The following SLC24A2 variants were observed in gnomAD, a reference collection of about 807,000 sequenced individuals.
SLC24A2 encodes the protein sodium/potassium/calcium exchanger 2.
SLC24A2 carries 36 observed loss-of-function variants against 62.0 expected under a neutral mutation model. The ratio of observed to expected loss-of-function variants is 0.58; its 90% CI spans 0.44 to 0.77. The LOEUF is 0.77. Ranked by LOEUF, SLC24A2 falls within the 30% of genes least tolerant of loss-of-function variation. The pLI, the probability that SLC24A2 is intolerant of heterozygous loss-of-function variation, is 0.00. For missense variants in SLC24A2, 846 were observed against 817.9 expected (o/e 1.03, Z -0.42); for synonymous variants, 358 against 294.0 (o/e 1.22, Z -2.23).
Position 19,745,738 on chromosome 9 carries a change from T to C in SLC24A2, c.930+40199A>G, listed in dbSNP as rs147683731. Among the ~76,000 whole-genome samples, 383 of 152,284 alleles carry C rather than the reference T, an allele frequency of 2.5e-3. 3 individuals carry two copies. The highest frequency in any genetic ancestry group is 4.1e-3 in the Admixed American group (63 of 15,272). ...ATATAACACTTTTTATTAAATGTTT[T>C]TTCATATTTTATTACCTAACTCCTA... On this transcript the variant is annotated intron_variant, in intron 2 of 10. Transcript: ENST00000341998.
At chr9:19,752,269 TAGGAA>T (rs1296548910) in intron 2 of SLC24A2, among the ~76,000 whole-genome samples, 6 of 151,958 alleles carry the variant, frequency 3.9e-5, no homozygotes, top group African/African-American at 1.5e-4. Context: ...TAACTCACCC[TAGGAA>T]AGGGTGAGTT....
chr9:19,965,031 G>A, the SLC24A2 span, among the ~76,000 whole-genome samples: 10 of 152,118 alleles, frequency 6.6e-5, no homozygotes, highest in East Asian at 3.9e-4. Context: ...TGGAGACTGC[G>A]TAACCAGCTC....
At chr9:20,011,205 G>A in the SLC24A2 span, among the ~76,000 whole-genome samples, 2 of 152,012 alleles carry the variant, frequency 1.3e-5, no homozygotes, top group African/African-American at 4.8e-5. Flanking sequence ...ACAATGGTTG[G>A]ACTAGTTTAC....
intron 2 of SLC24A2, among the ~76,000 whole-genome samples, chr9:19,696,401 G>C (rs12682919): frequency 1.3e-5 from 2 of 152,024 alleles, no homozygotes; most frequent in African/African-American, 4.8e-5. Flanking sequence ...AAATCAACTT[G>C]ATGAGGGGCC....
the SLC24A2 span, among the ~76,000 whole-genome samples, chr9:20,220,565 G>A: frequency 1.3e-5 from 2 of 152,244 alleles, no homozygotes; most frequent in East Asian, 3.9e-4. Flanking sequence ...ATGTCCCAGG[G>A]AAGTCTCCTG....
the SLC24A2 span, among the ~76,000 whole-genome samples, chr9:20,079,065 G>C: frequency 3.8e-4 from 55 of 143,344 alleles, 1 homozygote; most frequent in African/African-American, 1.3e-3. Context: ...CTTGAGATAA[G>C]ATCATCCTGA....
the SLC24A2 span, among the ~76,000 whole-genome samples, chr9:20,071,901 T>G: frequency 9.9e-5 from 15 of 152,118 alleles, no homozygotes; most frequent in African/African-American, 1.9e-4. Flanking sequence ...AGGAAACACT[T>G]ACTTTGGCTG....
chr9:19,655,503 G>A (rs1194251661), intron 2 of SLC24A2, among the ~76,000 whole-genome samples: 2 of 152,220 alleles, frequency 1.3e-5, no homozygotes, highest in African/African-American at 2.4e-5. Context: ...AAGCAGGGAA[G>A]GGTGTAATGA....
chr9:20,198,154 A>C, the SLC24A2 span, among the ~76,000 whole-genome samples: 6 of 152,350 alleles, frequency 3.9e-5, no homozygotes, highest in African/African-American at 1.4e-4. Flanking sequence ...CTTGGAGCAC[A>C]CAGCTGCAGA....
At chr9:19,995,912 G>C in the SLC24A2 span, among the ~76,000 whole-genome samples, 2 of 152,220 alleles carry the variant, frequency 1.3e-5, no homozygotes, top group Non-Finnish European at 2.9e-5. Context: ...ACACACTGCT[G>C]AGCTAACTTC....
At chr9:19,850,041 A>G in the SLC24A2 span, among the ~76,000 whole-genome samples, 1 of 148,406 alleles carries the variant, frequency 6.7e-6, no homozygotes, top group African/African-American at 2.5e-5. Context: ...TTTTTGTAGG[A>G]TGAATGTTAT....
the SLC24A2 span, among the ~76,000 whole-genome samples, chr9:19,893,001 C>T: frequency 6.6e-6 from 1 of 152,108 alleles, no homozygotes; most frequent in Admixed American, 6.5e-5. Flanking sequence ...GGGAAGAAAA[C>T]ATGTAGCCCC....
At chr9:20,159,954 T>A in the SLC24A2 span, among the ~76,000 whole-genome samples, 1 of 151,536 alleles carries the variant, frequency 6.6e-6, no homozygotes, top group African/African-American at 2.4e-5. Context: ...ATATCAGTAA[T>A]AATAAGTGTG....
intron 2 of SLC24A2, among the ~76,000 whole-genome samples, chr9:19,759,602 A>T (rs1235710332): frequency 6.6e-6 from 1 of 152,184 alleles, no homozygotes; most frequent in Non-Finnish European, 1.5e-5. Context: ...CTTAAAATTA[A>T]TTGCTGTATC....
At chr9:20,019,547 T>C in the SLC24A2 span, among the ~76,000 whole-genome samples, 4 of 152,196 alleles carry the variant, frequency 2.6e-5, no homozygotes, top group Admixed American at 2.6e-4. Context: ...ATATATCTGT[T>C]TTGGTACCAT....
the SLC24A2 span, among the ~76,000 whole-genome samples, chr9:20,195,016 TG>T: frequency 6.6e-6 from 1 of 152,172 alleles, no homozygotes; most frequent in African/African-American, 2.4e-5. Context: ...AGTTTCTTTT[TG>T]AACTTTTTAT....
At chr9:20,099,572 G>T in the SLC24A2 span, among the ~76,000 whole-genome samples, 1 of 152,166 alleles carries the variant, frequency 6.6e-6, no homozygotes, top group African/African-American at 2.4e-5. Context: ...ATAAAAGGAA[G>T]ACAGATTGTT....
intron 2 of SLC24A2, among the ~76,000 whole-genome samples, chr9:19,721,882 G>C (rs986247181): frequency 6.6e-6 from 1 of 152,108 alleles, no homozygotes; most frequent in African/African-American, 2.4e-5. Context: ...TAACTGAAAA[G>C]TCACTAAATT....
the SLC24A2 span, among the ~76,000 whole-genome samples, chr9:20,089,208 A>AC: frequency 6.6e-6 from 1 of 151,924 alleles, no homozygotes; most frequent in African/African-American, 2.4e-5. Flanking sequence ...ACTGGTCTGG[A>AC]CCCCCAGCAC....
Sources: allele counts gnomAD v4.1 joint callset (sites outside exome capture counted in the v4.1 genomes callset), GRCh38; gene constraint gnomAD v4.1.1; transcripts MANE v1.5; gene names NCBI Gene and HGNC (gene_info 2026-07-23, HGNC 2026-07-21).